EPOR: variants seen among roughly 807,000 people sequenced by gnomAD.
EPOR encodes the protein erythropoietin receptor.
In EPOR, 20 loss-of-function variants were observed where a neutral mutation model predicts 34.3. That is an observed-to-expected ratio of 0.58 (90% CI 0.41 to 0.85). The LOEUF is 0.85. Ranked by LOEUF, EPOR falls within the 40% of genes least tolerant of loss-of-function variation. EPOR has a pLI of 0.00. For missense variants in EPOR, 601 were observed against 672.7 expected (o/e 0.89, Z 1.18); for synonymous variants, 312 against 299.0 (o/e 1.04, Z -0.45).
In EPOR at chr19:11,381,201, G is replaced by C; in HGVS notation, c.594C>G (p.Ile198Met). ...NGAGSVQRVE[I>M]LEGRTECVLS... Reference sequence around the variant, plus strand: ...GCACACACTCGGTGCGGCCCTCCAGGATCTCCACCTGGGGGCGGAATCAGG... The same window carrying C: ...GCACACACTCGGTGCGGCCCTCCAGCATCTCCACCTGGGGGCGGAATCAGG... The change falls in exon 5 of 8, where the codon ATC becomes ATG. Residue 198 changes from isoleucine (I) to methionine (M), a missense_variant. Coordinates refer to ENST00000222139, the MANE Select transcript of EPOR (RefSeq NM_000121.4). This position sits in a 1 kb window ranked among gnomAD's most constrained non-coding sequence, Gnocchi z 5.3. 1 of 1,549,494 alleles carries C rather than the reference G, an allele frequency of 6.5e-7. No individual in the cohort carries two copies. The highest frequency in any genetic ancestry group is 8.7e-7 in the Non-Finnish European group (1 of 1,147,150).
chr19:11,383,016 A>T lies in EPOR; in HGVS notation c.251+81T>A. 2 of 1,606,572 alleles carry T rather than the reference A, an allele frequency of 1.2e-6. No homozygotes were observed. The highest frequency in any genetic ancestry group is 1.7e-6 in the Non-Finnish European group (2 of 1,179,232). On this transcript the variant is annotated intron_variant, in intron 2 of 7. Coordinates refer to ENST00000222139, the MANE Select transcript of EPOR (RefSeq NM_000121.4). This position sits in a 1 kb window ranked among gnomAD's most constrained non-coding sequence, Gnocchi z 4.9. ...GCCGTCGGGCCTCAAACAGCAGGGG[A>T]CATACGAGGCTACGACCTCCAGGGA...
chr19:11,383,364 G>A lies in EPOR; in HGVS notation c.116-132C>T, dbSNP rs535046868. 3.0e-5 allele frequency: 29 copies of A among 958,898 alleles called. 1 individual carries two copies. In the African/African-American group the frequency reaches 4.0e-4, roughly 13 times the overall value. 59.4% of individuals were successfully genotyped at this position (958,898 alleles called of 1,614,324 possible). A position where few individuals can be genotyped will look rare whatever the true frequency, so the allele number is the denominator to read the frequency against. ...GCCCCGCCCTGCCATCTTCCCAAGC[G>A]GGTCCCTTGGAGGGGTCCGCAGAGG... On this transcript the variant is annotated intron_variant, in intron 1 of 7. Coordinates refer to ENST00000222139, the MANE Select transcript of EPOR (RefSeq NM_000121.4). This position sits in a 1 kb window ranked among gnomAD's most constrained non-coding sequence, Gnocchi z 4.9.
Position 11,378,905 on chromosome 19 carries a change from T to A in EPOR, c.828-127A>T, listed in dbSNP as rs1599417222. 3 of 945,762 alleles carry A rather than the reference T, an allele frequency of 3.2e-6. No individual in the cohort carries two copies. The highest frequency in any genetic ancestry group is 5.0e-6 in the Non-Finnish European group (3 of 605,264). The allele number at this position is 945,762 out of a possible 1,614,324, so 58.6% of individuals were successfully genotyped here. A position where few individuals can be genotyped will look rare whatever the true frequency, so the allele number is the denominator to read the frequency against. On this transcript the variant is annotated intron_variant, in intron 6 of 7. Transcript: ENST00000222139. This position sits in a 1 kb window ranked among gnomAD's most constrained non-coding sequence, Gnocchi z 5.3. ...TGTGATCACAATGGAGGCAGAGGAG[T>A]ACATCAGGGCCAGGGGACAGGGGTT... is the stretch of plus-strand genomic sequence containing the variant.
chr19:11,381,733 C>G lies in EPOR; in HGVS notation c.544G>C (p.Val182Leu), dbSNP rs1326443454. Reference sequence around the variant, plus strand: ...GCGCCGTTGCCGGCCGAGACGTCCACCTCGTAGCGGATGTGAGACGTCATG... The same window carrying G: ...GCGCCGTTGCCGGCCGAGACGTCCAGCTCGTAGCGGATGTGAGACGTCATG... ...TPMTSHIRYE[V>L]DVSAGNGAGS... The change falls in exon 4 of 8, where the codon GTG becomes CTG. Residue 182 changes from valine to leucine, a missense_variant. Transcript: ENST00000222139. This position sits in a 1 kb window ranked among gnomAD's most constrained non-coding sequence, Gnocchi z 5.3. The G allele has an allele frequency of 2.5e-6, 4 of 1,612,708 alleles. No homozygotes were observed. In the Admixed American group the frequency reaches 5.0e-5, roughly 20 times the overall value.
chr19:11,381,800 G>T lies in EPOR; in HGVS notation c.477C>A (p.Ser159Arg). The part of the protein sequence containing the change: ...VGLVARLADE[S>R]GHVVLRWLPP... ...GGAGCCAGCGCAACACTACGTGGCC[G>T]CTCTCGTCAGCCAACCGCGCCACCA... The change falls in exon 4 of 8, where the codon AGC becomes AGA. Residue 159 changes from serine to arginine, a missense_variant. Ser to Arg is a moderately radical substitution (Grantham distance 110, BLOSUM62 -1). Transcript: ENST00000222139. This position sits in a 1 kb window ranked among gnomAD's most constrained non-coding sequence, Gnocchi z 5.3. The T allele has an allele frequency of 6.2e-7, 1 of 1,613,694 alleles. No individual in the cohort carries two copies. Among genetic ancestry groups the T allele is most frequent in the Non-Finnish European group, 8.5e-7 (1 of 1,179,818 alleles).
rs974922584 is a variant in EPOR at position 11,378,819 on chromosome 19, T to C, written c.828-41A>G. ...TAAATAGTTACATAGATATGACTCA[T>C]TGAATACTCACCAATTCCCCCTCCA... is the stretch of plus-strand genomic sequence containing the variant. On this transcript the variant is annotated intron_variant, in intron 6 of 7. Coordinates refer to ENST00000222139, the MANE Select transcript of EPOR (RefSeq NM_000121.4). The surrounding 1 kb of genome is among the most constrained non-coding windows in gnomAD (Gnocchi z 5.3). 10 of 1,587,620 alleles carry C rather than the reference T, an allele frequency of 6.3e-6. No homozygotes were observed. The Admixed American group carries it at 6.7e-5, about 11-fold the overall frequency.
At position 11,377,636 on chromosome 19, in the gene EPOR, T is replaced by C. The variant is rs1458489925; in HGVS notation, c.*348A>G. The C allele has an allele frequency of 2.0e-6, 1 of 491,346 alleles. No individual in the cohort carries two copies. The highest frequency in any genetic ancestry group is 2.3e-5 in the Admixed American group (1 of 43,630). 30.4% of individuals were successfully genotyped at this position (491,346 alleles called of 1,614,324 possible). On this transcript the variant is annotated 3_prime_UTR_variant, in exon 8 of 8. Transcript: ENST00000222139. ...TTTAACATACTATTTTGTTATGTTA[T>C]GAGTAGCATTCAGATTGCAGATCCA...
Position 11,377,793 on chromosome 19 carries a change from A to T in EPOR, c.*191T>A, listed in dbSNP as rs771984044. The T allele has an allele frequency of 5.4e-6, 4 of 745,416 alleles. No individual in the cohort carries two copies. Among genetic ancestry groups the T allele is most frequent in the African/African-American group, 1.7e-5 (1 of 57,400 alleles). The allele number at this position is 745,416 out of a possible 1,614,324, so 46.2% of individuals were successfully genotyped here. A position where few individuals can be genotyped will look rare whatever the true frequency, so the allele number is the denominator to read the frequency against. ...TACATATGTGTATATATATATATAG[A>T]TACAAAAAAAAACTATACATATTTA... is the stretch of plus-strand genomic sequence containing the variant. On this transcript the variant is annotated 3_prime_UTR_variant, in exon 8 of 8. Coordinates refer to ENST00000222139, the MANE Select transcript of EPOR (RefSeq NM_000121.4).
chr19:11,381,268 G>A lies in EPOR; in HGVS notation c.586-59C>T, dbSNP rs1173863666. 1.3e-6 allele frequency: 2 copies of A among 1,532,714 alleles called. No homozygotes were observed. The highest frequency in any genetic ancestry group is 1.4e-5 in the African/African-American group (1 of 72,792). 94.9% of individuals were successfully genotyped at this position (1,532,714 alleles called of 1,614,324 possible). A position where few individuals can be genotyped will look rare whatever the true frequency, so the allele number is the denominator to read the frequency against. On this transcript the variant is annotated intron_variant, in intron 4 of 7. Transcript: ENST00000222139. The surrounding 1 kb of genome is among the most constrained non-coding windows in gnomAD (Gnocchi z 5.3). ...AGACAAAAATAGATGACGTGGGGGC[G>A]GGCCCTGGTGGAACTGAGCCAATCA...
rs1193125352 is a variant in EPOR, at chr19:11,381,237, C to T, written c.586-28G>A. 4 of 1,548,512 alleles carry T rather than the reference C, an allele frequency of 2.6e-6. No individual in the cohort carries two copies. Among genetic ancestry groups the T allele is most frequent in the Non-Finnish European group, 3.5e-6 (4 of 1,146,818 alleles). ...GGGGGCGGAATCAGGGCGAGGGACG[C>T]GTAGCAGACAAAAATAGATGACGTG... On this transcript the variant is annotated intron_variant, in intron 4 of 7. Coordinates refer to ENST00000222139, the MANE Select transcript of EPOR (RefSeq NM_000121.4). The surrounding 1 kb of genome is among the most constrained non-coding windows in gnomAD (Gnocchi z 5.3).
Position 11,377,954 on chromosome 19 carries a change from TG to T in EPOR, c.*29del, listed in dbSNP as rs765467666. The T allele has an allele frequency of 2.5e-6, 4 of 1,613,386 alleles. No individual in the cohort carries two copies. The highest frequency in any genetic ancestry group is 3.4e-6 in the Non-Finnish European group (4 of 1,179,916). On this transcript the variant is annotated 3_prime_UTR_variant, in exon 8 of 8. Coordinates refer to ENST00000222139, the MANE Select transcript of EPOR (RefSeq NM_000121.4). Reference sequence around the variant, plus strand: ...TCTGCACTGGTTCTCTGAGTCATATTGGATCCCTGATCATCTGCAGCCTGGT... The same window carrying T: ...TCTGCACTGGTTCTCTGAGTCATATTGATCCCTGATCATCTGCAGCCTGGT...
rs912447647 is a variant in EPOR at position 11,377,297 on chromosome 19, T to C, written c.*687A>G. 6.6e-5 allele frequency: 30 copies of C among 453,946 alleles called. No individual in the cohort carries two copies. Among genetic ancestry groups the C allele is most frequent in the Non-Finnish European group, 9.7e-5 (22 of 226,794 alleles). The allele number at this position is 453,946 out of a possible 1,614,324, so 28.1% of individuals were successfully genotyped here. A position where few individuals can be genotyped will look rare whatever the true frequency, so the allele number is the denominator to read the frequency against. Reference sequence around the variant, plus strand: ...GCCCTTCCTGGGTGTACAGCTAAACTAAGTTTCCTGGCCTTTCATGTGACT... The same window carrying C: ...GCCCTTCCTGGGTGTACAGCTAAACCAAGTTTCCTGGCCTTTCATGTGACT... On this transcript the variant is annotated 3_prime_UTR_variant, in exon 8 of 8. Transcript: ENST00000222139.
chr19:11,383,393 T>G lies in EPOR; in HGVS notation c.116-161A>C, dbSNP rs1599420725. 1.5e-6 allele frequency: 1 copy of G among 680,882 alleles called. No homozygotes were observed. The allele number at this position is 680,882 out of a possible 1,614,324, so 42.2% of individuals were successfully genotyped here. A position where few individuals can be genotyped will look rare whatever the true frequency, so the allele number is the denominator to read the frequency against. Reference sequence around the variant, plus strand: ...CCCTTGGAGGGGTCCGCAGAGGTGGTGCCCCCCTAATTCCCAGGGGCAAGT... The same window carrying G: ...CCCTTGGAGGGGTCCGCAGAGGTGGGGCCCCCCTAATTCCCAGGGGCAAGT... On this transcript the variant is annotated intron_variant, in intron 1 of 7. Coordinates refer to ENST00000222139, the MANE Select transcript of EPOR (RefSeq NM_000121.4). This position sits in a 1 kb window ranked among gnomAD's most constrained non-coding sequence, Gnocchi z 4.9.
intron 6 of EPOR, among the ~76,000 whole-genome samples, chr19:11,379,260 C>T (rs1968324339): frequency 6.6e-6 from 1 of 152,098 alleles, no homozygotes; most frequent in African/African-American, 2.4e-5. Context: ...ATTATGTTAC[C>T]TTCTGGGGTA....
In EPOR at chr19:11,381,227, G is replaced by A. The variant is rs566601370; in HGVS notation, c.586-18C>T. On this transcript the variant is annotated intron_variant, in intron 4 of 7. Transcript: ENST00000222139. This position sits in a 1 kb window ranked among gnomAD's most constrained non-coding sequence, Gnocchi z 5.3. The stretch of plus-strand genomic sequence containing the variant: ...ATCTCCACCTGGGGGCGGAATCAGG[G>A]CGAGGGACGCGTAGCAGACAAAAAT... The A allele has an allele frequency of 3.7e-5, 57 of 1,548,796 alleles. 1 individual carries two copies. In the South Asian group the frequency reaches 5.5e-4, roughly 15 times the overall value.
rs1393656843 is a variant in EPOR, at chr19:11,382,046, C to T, written c.311G>A (p.Arg104His). ...HQAPTARGAV[R>H]FWCSLPTADT... ...GGCTGTAGGCAGCGAACACCAGAAGCGCACCGCACCACGAGCCGTGGGAGC... is the reference window on the plus strand; with the variant it reads ...GGCTGTAGGCAGCGAACACCAGAAGTGCACCGCACCACGAGCCGTGGGAGC... Residue 104 changes from arginine to histidine, a missense_variant, in exon 3 of 8, where the codon CGC (arginine) becomes CAC (histidine). Transcript: ENST00000222139. The T allele has an allele frequency of 6.2e-7, 1 of 1,614,154 alleles. No individual in the cohort carries two copies. The highest frequency in any genetic ancestry group is 8.5e-7 in the Non-Finnish European group (1 of 1,180,030).
In EPOR at chr19:11,383,193, C is replaced by G. The variant is rs764303927; in HGVS notation, c.155G>C (p.Cys52Ser). 39 of 1,609,274 alleles carry G rather than the reference C, an allele frequency of 2.4e-5. No homozygotes were observed. Among genetic ancestry groups the G allele is most frequent in the Non-Finnish European group, 3.3e-5 (39 of 1,178,004 alleles). ...CAAGTCCTCCAACCGCTCGGTGAAGCACAGAAGCTCTTCGGGCCCCCGGGC... is the reference window on the plus strand; with the variant it reads ...CAAGTCCTCCAACCGCTCGGTGAAGGACAGAAGCTCTTCGGGCCCCCGGGC... The part of the protein sequence containing the change: ...LAARGPEELL[C>S]FTERLEDLVC... The change falls in exon 2 of 8, where the codon TGC (cysteine) becomes TCC (serine). Residue 52 changes from cysteine (C) to serine (S), a missense_variant. Physicochemically the swap from Cys to Ser is moderately radical, Grantham distance 112. Transcript: ENST00000222139. This position sits in a 1 kb window ranked among gnomAD's most constrained non-coding sequence, Gnocchi z 4.9.
rs371950695 is a variant in EPOR at position 11,381,647 on chromosome 19, T to C, written c.585+45A>G. 24 of 1,561,198 alleles carry C rather than the reference T, an allele frequency of 1.5e-5. No homozygotes were observed. The highest frequency in any genetic ancestry group is 4.1e-5 in the African/African-American group (3 of 73,492). On this transcript the variant is annotated intron_variant, in intron 4 of 7. Coordinates refer to ENST00000222139, the MANE Select transcript of EPOR (RefSeq NM_000121.4). This position sits in a 1 kb window ranked among gnomAD's most constrained non-coding sequence, Gnocchi z 5.3. ...GACCTCGAGAGGCGTGGCTGGGCCG[T>C]AGTCAGTGGAGCTTTGGGGGCTGGG...
At position 11,384,245 on chromosome 19, in the gene EPOR, C is replaced by T; in HGVS notation, c.-38G>A. The T allele has an allele frequency of 3.0e-6, 4 of 1,321,992 alleles. No individual in the cohort carries two copies. Among genetic ancestry groups the T allele is most frequent in the Non-Finnish European group, 4.2e-6 (4 of 949,704 alleles). 81.9% of individuals were successfully genotyped at this position (1,321,992 alleles called of 1,614,324 possible). A position where few individuals can be genotyped will look rare whatever the true frequency, so the allele number is the denominator to read the frequency against. ...GCCACGGGGAGCCCAGGGCTCCTGC[C>T]CCTCCGTCCCCCGCCCCCGGCACAG... On this transcript the variant is annotated 5_prime_UTR_variant, in exon 1 of 8. Transcript: ENST00000222139.
Sources: allele counts gnomAD v4.1 joint callset (sites outside exome capture counted in the v4.1 genomes callset), GRCh38; gene constraint gnomAD v4.1.1; non-coding constraint Gnocchi (gnomAD v3.1); transcripts MANE v1.5; gene names NCBI Gene and HGNC (gene_info 2026-07-23, HGNC 2026-07-21).